Variants in PTPRN2 observed in about 807,000 individuals in gnomAD.
PTPRN2 encodes protein tyrosine phosphatase receptor type N2.
A neutral mutation model predicts 118.8 loss-of-function variants in PTPRN2; 74 were observed. The observed-to-expected ratio is 0.62, with a 90% CI of 0.52 to 0.76. PTPRN2 has a LOEUF of 0.76. Ranked by LOEUF, PTPRN2 falls within the 30% of genes least tolerant of loss-of-function variation. The pLI, the probability that PTPRN2 is intolerant of heterozygous loss-of-function variation, is 0.00. For synonymous variants in PTPRN2, 641 were observed against 608.0 expected (o/e 1.05, Z -0.80); for missense variants, 1,481 against 1,394.4 (o/e 1.06, Z -0.99).
intron 6 of PTPRN2, among the ~76,000 whole-genome samples, chr7:158,161,922 C>T (rs766253814): frequency 2.0e-5 from 3 of 151,956 alleles, no homozygotes; most frequent in Admixed American, 6.6e-5. Context: ...AAAACATGGC[C>T]CAGAGACCAC....
At chr7:157,766,691 G>A (rs1265794896) in intron 12 of PTPRN2, among the ~76,000 whole-genome samples, 2 of 152,250 alleles carry the variant, frequency 1.3e-5, no homozygotes, top group Non-Finnish European at 2.9e-5. Context: ...AAGGTACCCA[G>A]AACTGCAAGA....
intron 12 of PTPRN2, among the ~76,000 whole-genome samples, chr7:157,694,091 C>A (rs1053510634): frequency 6.6e-6 from 1 of 152,266 alleles, no homozygotes; most frequent in Non-Finnish European, 1.5e-5. Flanking sequence ...ACAGTGAATA[C>A]ACAAATAAAT....
chr7:158,157,516 A>G (rs1821930180), intron 6 of PTPRN2, among the ~76,000 whole-genome samples: 1 of 152,226 alleles, frequency 6.6e-6, no homozygotes, highest in South Asian at 2.1e-4. Context: ...GTGACTCTGC[A>G]CTAGTGCAGA....
chr7:157,960,052 T>C (rs992414122), intron 11 of PTPRN2, among the ~76,000 whole-genome samples: 8 of 151,934 alleles, frequency 5.3e-5, no homozygotes, highest in Non-Finnish European at 1.0e-4. Flanking sequence ...CTTGAGGATA[T>C]TATGTTAAGG....
chr7:158,077,382 C>G (rs2128927472), intron 11 of PTPRN2, among the ~76,000 whole-genome samples: 1 of 152,322 alleles, frequency 6.6e-6, no homozygotes, highest in African/African-American at 2.4e-5. Flanking sequence ...GGCGCCGCTA[C>G]TGAAATGACA....
At chr7:157,882,762 G>A (rs147373755) in intron 12 of PTPRN2, among the ~76,000 whole-genome samples, 1,811 of 135,636 alleles carry the variant, frequency 0.013, 43 homozygotes, top group African/African-American at 0.047. Context: ...AATGACTGTC[G>A]GAGAACAGAA....
Position 157,629,435 on chromosome 7 carries a change from C to T in PTPRN2, c.2197-7926G>A, listed in dbSNP as rs1490063897. On this transcript the variant is annotated intron_variant, in intron 14 of 22. Coordinates refer to ENST00000389418, the MANE Select transcript of PTPRN2 (RefSeq NM_002847.5). This position sits in a 1 kb window ranked among gnomAD's most constrained non-coding sequence, Gnocchi z 4.4. The stretch of plus-strand genomic sequence containing the variant: ...TAAAAATAATAATGAGAATAAACTC[C>T]CACCATGCAATACTAAAACTCCTAA... Among the ~76,000 whole-genome samples, 1 of 151,940 alleles carries T rather than the reference C, an allele frequency of 6.6e-6. No individual in the cohort carries two copies. Among genetic ancestry groups the T allele is most frequent in the Non-Finnish European group, 1.5e-5 (1 of 68,000 alleles).
In PTPRN2 at chr7:158,284,058, T is replaced by C. The variant is rs560767548; in HGVS notation, c.277+32761A>G. On this transcript the variant is annotated intron_variant, in intron 3 of 22. Transcript: ENST00000389418. ...AAGACATGTTCATAGCTATATTCGATGTCGTTGGATTTTCCAACATGGACT... is the reference window on the plus strand; with the variant it reads ...AAGACATGTTCATAGCTATATTCGACGTCGTTGGATTTTCCAACATGGACT... 1.4e-4 allele frequency among the ~76,000 whole-genome samples: 22 copies of C among 152,368 alleles called. 1 individual carries two copies. The highest frequency in any genetic ancestry group is 5.3e-4 in the African/African-American group (22 of 41,596).
rs1425700912 is a variant in PTPRN2, at chr7:158,326,943, ATT to A, written c.164-10013_164-10012del. Among the ~76,000 whole-genome samples the A allele has an allele frequency of 3.4e-4, 51 of 151,238 alleles. 1 individual carries two copies. Among genetic ancestry groups the A allele is most frequent in the African/African-American group, 1.2e-3 (48 of 41,062 alleles). The stretch of plus-strand genomic sequence containing the variant: ...CACGTTCTCACATGCACACATACAC[ATT>A]TTCACACATGCACACACGCACACAT... On this transcript the variant is annotated intron_variant, in intron 2 of 22. Coordinates refer to ENST00000389418, the MANE Select transcript of PTPRN2 (RefSeq NM_002847.5).
At chr7:157,714,418 G>C (rs191949265) in intron 12 of PTPRN2, among the ~76,000 whole-genome samples, 12 of 152,260 alleles carry the variant, frequency 7.9e-5, no homozygotes, top group East Asian at 5.8e-4. Context: ...AGTCTTTCCC[G>C]GCAGCTCTGC....
chr7:157,988,379 G>A (rs1431853995), intron 11 of PTPRN2, among the ~76,000 whole-genome samples: 1 of 152,224 alleles, frequency 6.6e-6, no homozygotes, highest in Non-Finnish European at 1.5e-5. Context: ...AGGCTGGTTT[G>A]CAGTGGCCGG....
chr7:158,142,570 G>GT (rs1419620358), intron 6 of PTPRN2, among the ~76,000 whole-genome samples: 5 of 152,192 alleles, frequency 3.3e-5, no homozygotes, highest in Non-Finnish European at 7.3e-5. Flanking sequence ...GTACTCTTCT[G>GT]TTTTTTCATT....
chr7:158,564,422 C>T (rs183711844), intron 1 of PTPRN2, among the ~76,000 whole-genome samples: 1 of 152,362 alleles, frequency 6.6e-6, no homozygotes, highest in African/African-American at 2.4e-5. Context: ...AGCTGACTCC[C>T]ACCTCCATCA....
At chr7:158,319,989 T>C (rs1445294901) in intron 2 of PTPRN2, among the ~76,000 whole-genome samples, 5 of 27,622 alleles carry the variant, frequency 1.8e-4, no homozygotes, top group East Asian at 1.1e-3. Flanking sequence ...ACACACAGCC[T>C]CCCTCACACA....
At chr7:158,201,507 C>T (rs1018166676) in intron 4 of PTPRN2, among the ~76,000 whole-genome samples, 1 of 152,164 alleles carries the variant, frequency 6.6e-6, no homozygotes, top group African/African-American at 2.4e-5. Flanking sequence ...CCTGCAAAGT[C>T]TCTTGTGGGA....
chr7:157,678,255 G>A (rs1796762385), intron 13 of PTPRN2, among the ~76,000 whole-genome samples: 1 of 152,140 alleles, frequency 6.6e-6, no homozygotes, highest in Non-Finnish European at 1.5e-5. Context: ...TATATAGTGA[G>A]GAAAGCCATT....
intron 12 of PTPRN2, among the ~76,000 whole-genome samples, chr7:157,708,697 T>G (rs1260671819): frequency 1.3e-5 from 2 of 152,100 alleles, no homozygotes; most frequent in African/African-American, 4.8e-5. Context: ...CTAAAGCAAT[T>G]CAGCATTCCA....
At position 157,560,631 on chromosome 7, in the gene PTPRN2, A is replaced by T. The variant is rs1296842231; in HGVS notation, c.2902+8271T>A. 6.6e-6 allele frequency among the ~76,000 whole-genome samples: 1 copy of T among 152,064 alleles called. No homozygotes were observed. The highest frequency in any genetic ancestry group is 2.4e-5 in the African/African-American group (1 of 41,406). ...AGGAAAGGCACAGAAAATAAACAACACACAGCAGAGGAGGCCCTGCTCCTG... is the reference window on the plus strand; with the variant it reads ...AGGAAAGGCACAGAAAATAAACAACTCACAGCAGAGGAGGCCCTGCTCCTG... On this transcript the variant is annotated intron_variant, in intron 21 of 22. Coordinates refer to ENST00000389418, the MANE Select transcript of PTPRN2 (RefSeq NM_002847.5). This position sits in a 1 kb window ranked among gnomAD's most constrained non-coding sequence, Gnocchi z 6.7.
chr7:158,462,926 G>A (rs1197549381), intron 2 of PTPRN2, among the ~76,000 whole-genome samples: 1 of 140,874 alleles, frequency 7.1e-6, no homozygotes, highest in Non-Finnish European at 1.6e-5. Context: ...CAACAACTTG[G>A]GGGTTACATT....
Sources: allele counts gnomAD v4.1 joint callset (sites outside exome capture counted in the v4.1 genomes callset), GRCh38; gene constraint gnomAD v4.1.1; non-coding constraint Gnocchi (gnomAD v3.1); transcripts MANE v1.5; gene names NCBI Gene and HGNC (gene_info 2026-07-23, HGNC 2026-07-21).